The following B3GALT1 variants were observed in gnomAD, a reference collection of about 807,000 sequenced individuals.
The protein encoded by B3GALT1 is beta-1,3-galactosyltransferase 1.
Under a neutral mutation model 23.2 loss-of-function variants are expected in B3GALT1, and 10 were observed. That is an observed-to-expected ratio of 0.43 (90% CI 0.27 to 0.73). The LOEUF is 0.73. B3GALT1 is among the 30% of genes least tolerant of loss of function. B3GALT1 has a pLI of 0.21. For synonymous variants in B3GALT1, 156 were observed against 141.5 expected, an observed-to-expected ratio of 1.10 and a Z score of -0.73; for missense variants, 299 against 405.4, an observed-to-expected ratio of 0.74 and a Z score of 2.25.
chr2:167,714,504 G>GA, intron 3 of B3GALT1: 1 of 1,610,228 alleles, frequency 6.2e-7, no homozygotes, highest in Non-Finnish European at 8.5e-7. Flanking sequence ...AACGGTGAGG[G>GA]ACCATATGGC....
At chr2:167,797,224 G>A (rs934758557) in intron 3 of B3GALT1, among the ~76,000 whole-genome samples, 3 of 152,158 alleles carry the variant, frequency 2.0e-5, no homozygotes, top group Non-Finnish European at 4.4e-5. Flanking sequence ...GAGAATATGC[G>A]TTATTTGGTT....
intron 1 of B3GALT1, among the ~76,000 whole-genome samples, chr2:167,340,360 G>C (rs1424953311): frequency 1.3e-5 from 2 of 151,408 alleles, no homozygotes; most frequent in African/African-American, 4.8e-5. Flanking sequence ...ATGGAACAAG[G>C]GTTGGTGTGA....
intron 3 of B3GALT1, among the ~76,000 whole-genome samples, chr2:167,779,352 G>A (rs1688211365): frequency 6.6e-6 from 1 of 152,178 alleles, no homozygotes; most frequent in Admixed American, 6.5e-5. Flanking sequence ...GGGAATGACA[G>A]ACTCACCAGG....
chr2:167,710,782 A>G (rs1325266911), intron 3 of B3GALT1, among the ~76,000 whole-genome samples: 1 of 152,120 alleles, frequency 6.6e-6, no homozygotes, highest in Non-Finnish European at 1.5e-5. Context: ...CTTCAAATCA[A>G]TAGGCAAGAC....
intron 1 of B3GALT1, among the ~76,000 whole-genome samples, chr2:167,331,906 C>T (rs571435106): frequency 2.0e-5 from 3 of 152,268 alleles, no homozygotes; most frequent in South Asian, 2.1e-4. Flanking sequence ...TCTGCAGTTG[C>T]GGTGGTTGTA....
chr2:167,577,296 G>A (rs1395283563), intron 2 of B3GALT1, among the ~76,000 whole-genome samples: 1 of 151,770 alleles, frequency 6.6e-6, no homozygotes, highest in African/African-American at 2.4e-5. Flanking sequence ...AAGACAGGAA[G>A]GCAATTAAAT....
At chr2:167,578,409 A>G (rs1395447771) in intron 2 of B3GALT1, among the ~76,000 whole-genome samples, 3 of 151,844 alleles carry the variant, frequency 2.0e-5, no homozygotes, top group Admixed American at 1.3e-4. Flanking sequence ...TAGTGTTACT[A>G]CTCTAATGAG....
intron 4 of B3GALT1, among the ~76,000 whole-genome samples, chr2:167,836,207 A>C (rs1009379771): frequency 3.3e-5 from 5 of 152,374 alleles, no homozygotes; most frequent in African/African-American, 9.6e-5. Flanking sequence ...TGAGAGAAGA[A>C]GGCTTCAGAC....
intron 1 of B3GALT1, among the ~76,000 whole-genome samples, chr2:167,485,845 GCATT>G (rs1284191079): frequency 6.6e-6 from 1 of 152,126 alleles, no homozygotes; most frequent in African/African-American, 2.4e-5. Flanking sequence ...GTCAATAGAT[GCATT>G]AAGTTATAGC....
At chr2:167,631,120 AG>A (rs1685433448) in intron 2 of B3GALT1, among the ~76,000 whole-genome samples, 2 of 151,930 alleles carry the variant, frequency 1.3e-5, no homozygotes, top group Non-Finnish European at 2.9e-5. Flanking sequence ...TTTAAATAAA[AG>A]TCACAACCAA....
chr2:167,331,807 C>T (rs1029025671), intron 1 of B3GALT1, among the ~76,000 whole-genome samples: 6 of 146,368 alleles, frequency 4.1e-5, no homozygotes, highest in African/African-American at 1.7e-4. Context: ...AGCAGCTGTG[C>T]TGCAACCCTG....
chr2:167,487,110 A>G (rs1216508370), intron 1 of B3GALT1, among the ~76,000 whole-genome samples: 2 of 152,216 alleles, frequency 1.3e-5, no homozygotes, highest in African/African-American at 4.8e-5. Flanking sequence ...AAGTAAAGAA[A>G]CTGTCCTTGT....
intron 2 of B3GALT1, among the ~76,000 whole-genome samples, chr2:167,608,283 A>G (rs533612689): frequency 6.6e-6 from 1 of 152,324 alleles, no homozygotes; most frequent in South Asian, 2.1e-4. Context: ...ATAGGGAATC[A>G]GGAAGCTATT....
chr2:167,736,187 T>C (rs894520938), intron 3 of B3GALT1, among the ~76,000 whole-genome samples: 4 of 152,212 alleles, frequency 2.6e-5, no homozygotes, highest in African/African-American at 4.8e-5. Flanking sequence ...TATATAACCA[T>C]GTCTCTTGAG....
At chr2:167,665,942 C>T (rs186471507) in intron 3 of B3GALT1, among the ~76,000 whole-genome samples, 4,435 of 151,934 alleles carry the variant, frequency 0.029, 212 homozygotes, top group African/African-American at 0.1. Flanking sequence ...TTTTGAAGGG[C>T]TTTTTGTGTC....
At chr2:167,720,376 T>C (rs1238790213) in intron 3 of B3GALT1, among the ~76,000 whole-genome samples, 1 of 152,184 alleles carries the variant, frequency 6.6e-6, no homozygotes, top group Non-Finnish European at 1.5e-5. Context: ...ATCTGTCTGC[T>C]TCACCTACAG....
chr2:167,778,478 A>G (rs1366219221), intron 3 of B3GALT1, among the ~76,000 whole-genome samples: 1 of 152,180 alleles, frequency 6.6e-6, no homozygotes. Flanking sequence ...ATCAATGCAT[A>G]AACTATGTAG....
rs1690388396 is a variant in B3GALT1 at position 167,873,426 on chromosome 2, T to A, written c.*3406T>A. 1 of 152,186 alleles carries A rather than the reference T, an allele frequency of 6.6e-6. No homozygotes were observed. The highest frequency in any genetic ancestry group is 1.5e-5 in the Non-Finnish European group (1 of 68,026). The allele number at this position is 152,186 out of a possible 1,614,324, so 9.4% of individuals were successfully genotyped here. A position where few individuals can be genotyped will look rare whatever the true frequency, so the allele number is the denominator to read the frequency against. On this transcript the variant is annotated 3_prime_UTR_variant, in exon 5 of 5. Transcript: ENST00000392690. ...TAAAACCCCTTTGCGTGACACGATA[T>A]GGGGAAAATAAACTATTTACAGAGG...
intron 3 of B3GALT1, among the ~76,000 whole-genome samples, chr2:167,743,027 A>G (rs1398163188): frequency 6.6e-6 from 1 of 152,176 alleles, no homozygotes; most frequent in Non-Finnish European, 1.5e-5. Flanking sequence ...CATACTACAT[A>G]TAGCCTTCAT....
Sources: allele counts gnomAD v4.1 joint callset (sites outside exome capture counted in the v4.1 genomes callset), GRCh38; gene constraint gnomAD v4.1.1; transcripts MANE v1.5; gene names NCBI Gene and HGNC (gene_info 2026-07-23, HGNC 2026-07-21).